CMSS1: variants seen among roughly 807,000 people sequenced by gnomAD.
The protein encoded by CMSS1 is protein CMSS1.
A neutral mutation model predicts 43.5 loss-of-function variants in CMSS1; 33 were observed. That is an observed-to-expected ratio of 0.76 (90% CI 0.57 to 1.01). The LOEUF (loss-of-function observed/expected upper bound fraction) is 1.01, where lower values mean the gene tolerates loss of function less well. CMSS1 is among the 50% of genes least tolerant of loss of function. CMSS1 has a pLI of 0.00. For missense variants in CMSS1, 313 were observed against 326.4 expected (o/e 0.96, Z 0.32); for synonymous variants, 115 against 117.2 (o/e 0.98, Z 0.12).
At chr3:100,084,271 T>A (rs1323444784) in intron 1 of CMSS1, among the ~76,000 whole-genome samples, 1 of 152,172 alleles carries the variant, frequency 6.6e-6, no homozygotes, top group Non-Finnish European at 1.5e-5. Context: ...TCCCTTTTAG[T>A]CTCCTACCTG....
chr3:100,021,960 TGAGAGAGAGAGA>T (rs61630053), intron 1 of CMSS1, among the ~76,000 whole-genome samples: 2,002 of 93,068 alleles, frequency 0.022, 26 homozygotes, highest in Non-Finnish European at 0.028. Context: ...TGTGTGTGTG[TGAGAGAGAGAGA>T]GAGAGAGAGA....
At chr3:100,112,534 TAAAG>T (rs1308662767) in intron 1 of CMSS1, among the ~76,000 whole-genome samples, 1 of 152,216 alleles carries the variant, frequency 6.6e-6, no homozygotes, top group African/African-American at 2.4e-5. Context: ...ATTGCTTAAA[TAAAG>T]CTTAAGCAAA....
chr3:100,156,861 T>G (rs887731214), intron 2 of CMSS1, among the ~76,000 whole-genome samples: 7 of 150,576 alleles, frequency 4.6e-5, no homozygotes, highest in African/African-American at 1.5e-4. Flanking sequence ...GTGATCCACC[T>G]GCCTCGGCCT....
chr3:99,878,991 G>A (rs1705631230), intron 1 of CMSS1, among the ~76,000 whole-genome samples: 1 of 152,150 alleles, frequency 6.6e-6, no homozygotes, highest in Non-Finnish European at 1.5e-5. Flanking sequence ...TATGATCACT[G>A]TGCCTCAAAA....
intron 1 of CMSS1, among the ~76,000 whole-genome samples, chr3:99,820,526 A>G (rs78078939): frequency 1.5e-3 from 228 of 152,334 alleles, no homozygotes; most frequent in Middle Eastern, 3.4e-3. Context: ...TGCTGGCATT[A>G]AATTTATCAG....
intron 9 of CMSS1, among the ~76,000 whole-genome samples, chr3:100,177,161 A>C (rs2067154343): frequency 6.6e-6 from 1 of 152,230 alleles, no homozygotes; most frequent in South Asian, 2.1e-4. Context: ...AAACATGCTG[A>C]ATGAATTAAT....
At chr3:99,926,434 T>G (rs751636769) in intron 1 of CMSS1, among the ~76,000 whole-genome samples, 3 of 152,236 alleles carry the variant, frequency 2.0e-5, no homozygotes, top group Non-Finnish European at 4.4e-5. Context: ...TTCAAACCAC[T>G]GCAGCCCTCT....
At chr3:99,824,304 ACTAT>A (rs978295000) in intron 1 of CMSS1, among the ~76,000 whole-genome samples, 1 of 152,220 alleles carries the variant, frequency 6.6e-6, no homozygotes, top group Non-Finnish European at 1.5e-5. Flanking sequence ...GTCTAGAGTA[ACTAT>A]CTAGGTGCTC....
intron 1 of CMSS1, among the ~76,000 whole-genome samples, chr3:99,944,209 G>T (rs1228120287): frequency 6.6e-6 from 1 of 152,176 alleles, no homozygotes; most frequent in African/African-American, 2.4e-5. Flanking sequence ...GTTATTTTGT[G>T]CCTAACTGAG....
At chr3:99,827,346 C>T (rs1339000299) in intron 1 of CMSS1, among the ~76,000 whole-genome samples, 2 of 152,082 alleles carry the variant, frequency 1.3e-5, no homozygotes, top group Non-Finnish European at 2.9e-5. Flanking sequence ...CATGCACCAC[C>T]AAGCCCAGCT....
At chr3:100,052,861 A>T (rs879918401) in intron 1 of CMSS1, among the ~76,000 whole-genome samples, 25 of 152,212 alleles carry the variant, frequency 1.6e-4, no homozygotes, top group Non-Finnish European at 3.2e-4. Context: ...ATATGTAAAT[A>T]TCCTTAAGTG....
chr3:100,050,749 C>T (rs926691887), intron 1 of CMSS1, among the ~76,000 whole-genome samples: 32 of 152,102 alleles, frequency 2.1e-4, no homozygotes, highest in South Asian at 2.1e-4. Context: ...AGGCTGGTCT[C>T]GAACTCCTGA....
chr3:100,097,339 A>G (rs2066227790), intron 1 of CMSS1, among the ~76,000 whole-genome samples: 1 of 152,224 alleles, frequency 6.6e-6, no homozygotes, highest in African/African-American at 2.4e-5. Flanking sequence ...TAAGTAATCT[A>G]GACATTTTTT....
chr3:100,111,342 T>G (rs913193280), intron 1 of CMSS1, among the ~76,000 whole-genome samples: 2 of 152,172 alleles, frequency 1.3e-5, no homozygotes, highest in African/African-American at 4.8e-5. Flanking sequence ...GAACTTTATT[T>G]AAGAGATTAC....
rs553705584 is a variant in CMSS1, at chr3:99,849,845, A to G, written c.64+31802A>G. On this transcript the variant is annotated intron_variant, in intron 1 of 9. Coordinates refer to ENST00000421999, the MANE Select transcript of CMSS1 (RefSeq NM_032359.4). Reference sequence around the variant, plus strand: ...TGTAATGCTGTTGTGGATTTCCCAGAGTCTTGATTTAATTTGTTTTTTAGG... The same window carrying G: ...TGTAATGCTGTTGTGGATTTCCCAGGGTCTTGATTTAATTTGTTTTTTAGG... 223 of 1,610,402 alleles carry G rather than the reference A, an allele frequency of 1.4e-4. 3 individuals are homozygous for G. In the South Asian group the frequency reaches 2.4e-3, roughly 17 times the overall value.
intron 1 of CMSS1, among the ~76,000 whole-genome samples, chr3:99,941,969 C>G (rs145398279): frequency 9.1e-4 from 139 of 152,226 alleles, no homozygotes; most frequent in African/African-American, 3.1e-3. Flanking sequence ...TGAATGTGAA[C>G]TATAAATTAG....
chr3:99,867,252 A>C lies in CMSS1; in HGVS notation c.64+49209A>C, dbSNP rs530845290. ...CCCTGAGCAGGAGTTTCACCCATTT[A>C]GTTTATCTATGTGAGAAATGTTCTG... On this transcript the variant is annotated intron_variant, in intron 1 of 9. Coordinates refer to ENST00000421999, the MANE Select transcript of CMSS1 (RefSeq NM_032359.4). 4.6e-5 allele frequency among the ~76,000 whole-genome samples: 7 copies of C among 152,210 alleles called. No homozygotes were observed. The South Asian group carries it at 1.5e-3, about 32-fold the overall frequency.
At chr3:100,102,673 A>G (rs2066330251) in intron 1 of CMSS1, among the ~76,000 whole-genome samples, 1 of 152,222 alleles carries the variant, frequency 6.6e-6, no homozygotes, top group Non-Finnish European at 1.5e-5. Context: ...CTTTGCATTC[A>G]GTAGTTACTC....
intron 1 of CMSS1, among the ~76,000 whole-genome samples, chr3:100,076,993 C>G (rs2065860104): frequency 6.6e-6 from 1 of 152,194 alleles, no homozygotes; most frequent in Non-Finnish European, 1.5e-5. Flanking sequence ...CATAAGAAAT[C>G]AAAACTCTCA....
Sources: allele counts gnomAD v4.1 joint callset (sites outside exome capture counted in the v4.1 genomes callset), GRCh38; gene constraint gnomAD v4.1.1; transcripts MANE v1.5; gene names NCBI Gene and HGNC (gene_info 2026-07-23, HGNC 2026-07-21).